Variants in HSPG2 observed in about 807,000 individuals in gnomAD.
The protein encoded by HSPG2 is basement membrane-specific heparan sulfate proteoglycan core protein.
Under a neutral mutation model 526.6 loss-of-function variants are expected in HSPG2, and 278 were observed. That is an observed-to-expected ratio of 0.53 (90% confidence interval 0.48 to 0.58). HSPG2 has a LOEUF of 0.58. HSPG2 is among the 20% of genes least tolerant of loss of function. The probability of loss-of-function intolerance (pLI) is 0.00; values close to 1 mark genes in which losing one functional copy is unlikely to be tolerated. For synonymous variants in HSPG2, 2,465 were observed against 2,555.4 expected (o/e 0.96, Z 1.07); for missense variants, 5,354 against 6,099.5 (o/e 0.88, Z 4.07).
chr1:21,900,733 A>T (rs751135193), intron 1 of HSPG2, among the ~76,000 whole-genome samples: 1 of 152,206 alleles, frequency 6.6e-6, no homozygotes, highest in Admixed American at 6.5e-5. Context: ...AAAAATACAA[A>T]AATTAGCCCA....
chr1:21,856,258 C>T (rs552021495), intron 44 of HSPG2, among the ~76,000 whole-genome samples: 1 of 152,272 alleles, frequency 6.6e-6, no homozygotes, highest in South Asian at 2.1e-4. Flanking sequence ...TGCCTCAGGG[C>T]CTTGCCATGT....
intron 44 of HSPG2, among the ~76,000 whole-genome samples, chr1:21,856,360 A>C (rs565019271): frequency 6.7e-4 from 102 of 152,254 alleles, no homozygotes; most frequent in Non-Finnish European, 1.2e-3. Context: ...TCACCTCCTC[A>C]GAGAGGCCCT....
At chr1:21,931,356 C>T (rs1400340185) in intron 1 of HSPG2, among the ~76,000 whole-genome samples, 3 of 152,346 alleles carry the variant, frequency 2.0e-5, no homozygotes, top group African/African-American at 7.2e-5. Context: ...CAGCTGGCCC[C>T]GGGAGCAGGA....
intron 3 of HSPG2, among the ~76,000 whole-genome samples, chr1:21,894,985 T>A (rs1188327505): frequency 6.6e-6 from 1 of 152,166 alleles, no homozygotes; most frequent in Non-Finnish European, 1.5e-5. Context: ...TACCCTCCTG[T>A]CTACACTGAC....
In HSPG2 at chr1:21,823,506, G is replaced by A. The variant is rs370776663; in HGVS notation, c.13004-18C>T. The A allele has an allele frequency of 1.5e-4, 236 of 1,606,930 alleles. 1 individual carries two copies. The African/African-American group carries it at 2.3e-3, about 15-fold the overall frequency. On this transcript the variant is annotated intron_variant, in intron 96 of 96. Transcript: ENST00000374695. Reference sequence around the variant, plus strand: ...GGCTCCGCCTGCCGGGAGGTGAGAGGACAGGGCCTGTGGGCTCCAGCAGCC... The same window carrying A: ...GGCTCCGCCTGCCGGGAGGTGAGAGAACAGGGCCTGTGGGCTCCAGCAGCC...
In HSPG2 at chr1:21,885,148, TG is replaced by T. The variant is rs763945561; in HGVS notation, c.1219del (p.Gln407ArgfsTer3). The part of the protein sequence containing the change: ...RSDEFGCMPP[Q>X]VVTPPRESIQ... ...GGACTCCCGGGGAGGTGTCACCACC[TG>T]GGGGGGCACTGAGGAGACCAGGGCA... On this transcript the variant is annotated frameshift_variant, in exon 11 of 97. Coordinates refer to ENST00000374695, the MANE Select transcript of HSPG2 (RefSeq NM_005529.7). LOFTEE classifies it high-confidence loss of function. 2 of 1,608,418 alleles carry T rather than the reference TG, an allele frequency of 1.2e-6. No individual in the cohort carries two copies. The highest frequency in any genetic ancestry group is 1.7e-5 in the Admixed American group (1 of 59,434).
intron 1 of HSPG2, among the ~76,000 whole-genome samples, chr1:21,900,241 C>A (rs79503680): frequency 3.3e-5 from 5 of 152,196 alleles, no homozygotes; most frequent in Non-Finnish European, 1.5e-5. Flanking sequence ...CCAGACCCTG[C>A]AGTTCCTGGT....
chr1:21,846,380 C>G, intron 63 of HSPG2, 68 bp downstream of exon 63: 1 of 1,611,472 alleles, frequency 6.2e-7, no homozygotes, highest in Non-Finnish European at 8.5e-7. Context: ...CTAGGTCTCC[C>G]TCTTGGCAAA....
chr1:21,921,347 T>C (rs1196663565), intron 1 of HSPG2, among the ~76,000 whole-genome samples: 1 of 152,104 alleles, frequency 6.6e-6, no homozygotes, highest in Non-Finnish European at 1.5e-5. Context: ...CTTCCTTGCC[T>C]TGTGTATTAT....
intron 1 of HSPG2, among the ~76,000 whole-genome samples, chr1:21,920,090 A>G (rs981415918): frequency 6.6e-6 from 1 of 152,174 alleles, no homozygotes; most frequent in African/African-American, 2.4e-5. Flanking sequence ...TATTTTTAGC[A>G]GAGATGAGGT....
intron 1 of HSPG2, chr1:21,907,975 T>C (rs541627259): frequency 5.1e-5 from 30 of 582,712 alleles, no homozygotes; most frequent in East Asian, 3.6e-4. Context: ...ATCTATCTCA[T>C]ACGGCTGTTG....
At chr1:21,840,971 T>C in intron 71 of HSPG2, 130 bp downstream of exon 71, 1 of 787,170 alleles carries the variant, frequency 1.3e-6, no homozygotes, top group Non-Finnish European at 2.1e-6. Context: ...ACCCATCCCA[T>C]CCCATTCCTC....
At chr1:21,885,514 G>A (rs1641828754) in intron 9 of HSPG2, 63 bp from the exon 10 acceptor site, 3 of 1,596,276 alleles carry the variant, frequency 1.9e-6, no homozygotes, top group African/African-American at 1.3e-5. Flanking sequence ...GGCATCCCCA[G>A]GGCCACTCTC....
intron 1 of HSPG2, among the ~76,000 whole-genome samples, chr1:21,914,436 T>C (rs1643826390): frequency 6.6e-6 from 1 of 152,066 alleles, no homozygotes; most frequent in South Asian, 2.1e-4. Context: ...AGGCCGGTTA[T>C]CTAACCCCCA....
rs370255908 is a variant in HSPG2, at chr1:21,833,892, C to T, written c.10754G>A (p.Arg3585His). 6.0e-5 allele frequency: 96 copies of T among 1,598,342 alleles called. 1 individual carries two copies. Among genetic ancestry groups the T allele is most frequent in the South Asian group, 2.7e-4 (24 of 88,054 alleles). ...LPQISMPQEV[R>H]VPAGSAAVFP... ...GACAGCTGCAGAACCAGCAGGCACACGGACTTCTTGGGGCATTGAGATCTG... is the reference window on the plus strand; with the variant it reads ...GACAGCTGCAGAACCAGCAGGCACATGGACTTCTTGGGGCATTGAGATCTG... The change falls in exon 78 of 97, where the codon CGT becomes CAT. Residue 3585 changes from arginine (R) to histidine (H), a missense_variant. By Grantham distance (29) the Arg-to-His change is conservative. Transcript: ENST00000374695.
chr1:21,911,331 G>C (rs1252713914), intron 1 of HSPG2, among the ~76,000 whole-genome samples: 2 of 152,192 alleles, frequency 1.3e-5, no homozygotes, highest in Non-Finnish European at 2.9e-5. Context: ...AACAGCTGGG[G>C]AGAGCTCTGG....
chr1:21,897,703 G>A (rs566952907), intron 1 of HSPG2, among the ~76,000 whole-genome samples: 2 of 152,320 alleles, frequency 1.3e-5, no homozygotes, highest in South Asian at 4.1e-4. Flanking sequence ...AGGGGTGAAA[G>A]TCTAATCCAT....
At chr1:21,825,540 C>A (rs1193174687) in intron 91 of HSPG2, among the ~76,000 whole-genome samples, 2 of 152,102 alleles carry the variant, frequency 1.3e-5, no homozygotes, top group African/African-American at 2.4e-5. Flanking sequence ...GGCTCCACAC[C>A]CCCCCAGCCC....
intron 75 of HSPG2, 120 bp from the exon 76 acceptor site, chr1:21,835,757 G>T (rs2098023997): frequency 1.4e-6 from 1 of 712,094 alleles, no homozygotes; most frequent in Non-Finnish European, 2.5e-6. Flanking sequence ...GCTGAGGCAG[G>T]CGCATCACTT....
Sources: gnomAD v4.1 joint callset for allele counts (sites outside exome capture counted in the v4.1 genomes callset) on GRCh38, gnomAD v4.1.1 for gene constraint, MANE v1.5 for transcripts, NCBI Gene and HGNC (gene_info 2026-07-23, HGNC 2026-07-21) for gene names.